Variants in SLC9A3 observed in about 807,000 individuals in gnomAD.
The protein encoded by SLC9A3 is sodium/hydrogen exchanger 3.
Under a neutral mutation model 86.8 loss-of-function variants are expected in SLC9A3, and 37 were observed. That is an observed-to-expected ratio of 0.43 (90% CI 0.33 to 0.56). The LOEUF (loss-of-function observed/expected upper bound fraction) is 0.56. Ranked by LOEUF, SLC9A3 falls within the 20% of genes least tolerant of loss-of-function variation. The pLI, the probability that SLC9A3 is intolerant of heterozygous loss-of-function variation, is 0.06. For missense variants in SLC9A3, 1,011 were observed against 1,171.9 expected, an observed-to-expected ratio of 0.86 and a Z score of 2.00; for synonymous variants, 581 against 528.3, an observed-to-expected ratio of 1.10 and a Z score of -1.37.
Position 485,004 on chromosome 5 carries a change from G to A in SLC9A3, c.754+149C>T, listed in dbSNP as rs568370106. 5.6e-4 allele frequency: 383 copies of A among 686,710 alleles called. 3 individuals carry two copies. The highest frequency in any genetic ancestry group is 5.4e-3 in the African/African-American group (308 of 56,718). 42.5% of individuals were successfully genotyped at this position (686,710 alleles called of 1,614,324 possible). On this transcript the variant is annotated intron_variant, in intron 4 of 16. Coordinates refer to ENST00000264938, the MANE Select transcript of SLC9A3 (RefSeq NM_004174.4). The stretch of plus-strand genomic sequence containing the variant: ...GACCATGTCAAATCGTGTGTGAATC[G>A]CTCTGGACGGGGACGTGACGTGGAC...
chr5:479,851 G>A lies in SLC9A3; in HGVS notation c.1632C>T (p.Ile544=). 2 of 1,613,658 alleles carry A rather than the reference G, an allele frequency of 1.2e-6. No individual in the cohort carries two copies. The highest frequency in any genetic ancestry group is 1.7e-6 in the Non-Finnish European group (2 of 1,179,984). Residue 544 remains isoleucine, a synonymous_variant, in exon 10 of 17, where the codon ATC becomes ATT. Transcript: ENST00000264938. ...GCTCTGCTACCTCAGCCACGTAGCTGATGGCATCCTTCAGGTTCAGCTCGT... is the reference window on the plus strand; with the variant it reads ...GCTCTGCTACCTCAGCCACGTAGCTAATGGCATCCTTCAGGTTCAGCTCGT... The part of the protein sequence containing the change: ...VFHELNLKDA[I]SYVAEGERRG...
At chr5:513,934 CA>C (rs1733649817) in intron 1 of SLC9A3, among the ~76,000 whole-genome samples, 1 of 152,242 alleles carries the variant, frequency 6.6e-6, no homozygotes, top group Non-Finnish European at 1.5e-5. Flanking sequence ...GGGCCACGCA[CA>C]GCCACTGGAG....
At chr5:515,748 CT>C (rs1322423226) in intron 1 of SLC9A3, among the ~76,000 whole-genome samples, 20 of 147,826 alleles carry the variant, frequency 1.4e-4, no homozygotes, top group African/African-American at 5.1e-4. Context: ...CACACTCCCC[CT>C]GCCCCTCACA....
Position 486,167 on chromosome 5 carries a change from G to C in SLC9A3, c.676-936C>G, listed in dbSNP as rs549480720. On this transcript the variant is annotated intron_variant, in intron 3 of 16. Transcript: ENST00000264938. ...TCAAACCACAGGCACTTTCAGAGGG[G>C]AGAGGAAGCTGACCCCACCCTTCCC... is the stretch of plus-strand genomic sequence containing the variant. Among the ~76,000 whole-genome samples, 388 of 134,904 alleles carry C rather than the reference G, an allele frequency of 2.9e-3. 3 individuals carry two copies. The highest frequency in any genetic ancestry group is 9.9e-3 in the African/African-American group (376 of 37,794). 88.5% of individuals were successfully genotyped at this position (134,904 alleles called of 152,430 possible).
chr5:513,488 G>A (rs1022683928), intron 1 of SLC9A3, among the ~76,000 whole-genome samples: 7 of 152,164 alleles, frequency 4.6e-5, no homozygotes, highest in Admixed American at 1.3e-4. Flanking sequence ...AGAGTTGGGC[G>A]GGAGGAGAGC....
At position 470,685 on chromosome 5, in the gene SLC9A3, A is replaced by C. The variant is rs1024099035; in HGVS notation, c.*2694T>G. On this transcript the variant is annotated 3_prime_UTR_variant, in exon 17 of 17. Coordinates refer to ENST00000264938, the MANE Select transcript of SLC9A3 (RefSeq NM_004174.4). The stretch of plus-strand genomic sequence containing the variant: ...TTATAGCTGCAAAATTAACATACAC[A>C]ATTTTCACTCATAATTTAAAATATT... The C allele has an allele frequency of 1.3e-5, 2 of 152,296 alleles. No individual in the cohort carries two copies. Among genetic ancestry groups the C allele is most frequent in the African/African-American group, 4.8e-5 (2 of 41,438 alleles). The allele number at this position is 152,296 out of a possible 1,614,324, so 9.4% of individuals were successfully genotyped here. A position where few individuals can be genotyped will look rare whatever the true frequency, so the allele number is the denominator to read the frequency against.
chr5:508,202 A>C (rs966046944), intron 1 of SLC9A3, among the ~76,000 whole-genome samples: 3 of 123,466 alleles, frequency 2.4e-5, no homozygotes, highest in African/African-American at 9.3e-5. Context: ...AGGCCTCAGG[A>C]TGGAGTAGCC....
At position 491,680 on chromosome 5, in the gene SLC9A3, C is replaced by T. The variant is rs957320514; in HGVS notation, c.514+89G>A. On this transcript the variant is annotated intron_variant, in intron 2 of 16. Transcript: ENST00000264938. The surrounding 1 kb of genome is among the most constrained non-coding windows in gnomAD (Gnocchi z 9.2). ...CACTTACCGCCTGGAGGCCAGGGTGCGGCACCCCGACCTTTCTGAGATGAG... is the reference window on the plus strand; with the variant it reads ...CACTTACCGCCTGGAGGCCAGGGTGTGGCACCCCGACCTTTCTGAGATGAG... The T allele has an allele frequency of 3.2e-5, 40 of 1,234,040 alleles. No individual in the cohort carries two copies. Among genetic ancestry groups the T allele is most frequent in the Middle Eastern group, 2.4e-4 (1 of 4,202 alleles). The allele number at this position is 1,234,040 out of a possible 1,614,324, so 76.4% of individuals were successfully genotyped here.
chr5:492,192 GCAGGGCC>G (rs1739790422), intron 1 of SLC9A3, 121 bp from the exon 2 acceptor site: 1 of 198,046 alleles, frequency 5.0e-6, no homozygotes, highest in African/African-American at 1.2e-4. Context: ...GGATGTCGGG[GCAGGGCC>G]TGTTGGGGAG....
chr5:494,752 C>T (rs1482354386), intron 1 of SLC9A3, among the ~76,000 whole-genome samples: 6 of 152,194 alleles, frequency 3.9e-5, no homozygotes, highest in East Asian at 3.9e-4. Flanking sequence ...TTGGCGACGT[C>T]GTCACCTCTG....
Position 473,332 on chromosome 5 carries a change from C to G in SLC9A3, c.*47G>C. The G allele has an allele frequency of 7.1e-7, 1 of 1,408,026 alleles. No individual in the cohort carries two copies. The highest frequency in any genetic ancestry group is 9.3e-7 in the Non-Finnish European group (1 of 1,075,358). The allele number at this position is 1,408,026 out of a possible 1,614,324, so 87.2% of individuals were successfully genotyped here. A position where few individuals can be genotyped will look rare whatever the true frequency, so the allele number is the denominator to read the frequency against. ...ACAGCGGCGGCGGCGGTGGGCGGAC[C>G]GTGGCGCGGGGACGAGCGGCCGGTT... is the stretch of plus-strand genomic sequence containing the variant. On this transcript the variant is annotated 3_prime_UTR_variant, in exon 17 of 17. Transcript: ENST00000264938.
chr5:520,528 G>A (rs148963503), intron 1 of SLC9A3, among the ~76,000 whole-genome samples: 3,351 of 152,200 alleles, frequency 0.022, 59 homozygotes, highest in Non-Finnish European at 0.033. Flanking sequence ...ATGCCCAAGG[G>A]AAGCTCCCCA....
At chr5:500,128 C>G (rs955668702) in intron 1 of SLC9A3, among the ~76,000 whole-genome samples, 1 of 152,276 alleles carries the variant, frequency 6.6e-6, no homozygotes, top group South Asian at 2.1e-4. Flanking sequence ...GTTGAAAGGG[C>G]AGAGGGTGTC....
Position 482,103 on chromosome 5 carries a change from G to A in SLC9A3, c.1411C>T (p.Arg471Trp), listed in dbSNP as rs368029489. 8.1e-6 allele frequency: 13 copies of A among 1,606,862 alleles called. No individual in the cohort carries two copies. Among genetic ancestry groups the A allele is most frequent in the Non-Finnish European group, 1.0e-5 (12 of 1,178,218 alleles). ...AGCTTCTCGTTGAGCCGAGGTTCCC[G>A]GTGCTCGCTCCTCTTCACCTTCAGC... Reference protein sequence around the residue: ...QWLKVKRSEHREPRLNEKLHG... With the variant: ...QWLKVKRSEHWEPRLNEKLHG... The change falls in exon 8 of 17, where the codon CGG (arginine) becomes TGG (tryptophan). Residue 471 changes from arginine (R) to tryptophan (W), a missense_variant. By Grantham distance (101) the Arg-to-Trp change is moderately radical. Transcript: ENST00000264938.
intron 1 of SLC9A3, among the ~76,000 whole-genome samples, chr5:511,611 G>A (rs926966066): frequency 2.8e-4 from 43 of 152,366 alleles, no homozygotes; most frequent in African/African-American, 8.7e-4. Context: ...ACCCGTCAGC[G>A]TGGCCGAAAC....
At chr5:514,484 G>A (rs761537260) in intron 1 of SLC9A3, among the ~76,000 whole-genome samples, 1 of 152,220 alleles carries the variant, frequency 6.6e-6, no homozygotes, top group African/African-American at 2.4e-5. Context: ...CTTGCCTGTC[G>A]GGGGCTTTGC....
chr5:495,449 T>C (rs1579800165), intron 1 of SLC9A3, among the ~76,000 whole-genome samples: 1 of 46,162 alleles, frequency 2.2e-5, no homozygotes, highest in Admixed American at 2.0e-4. Flanking sequence ...CACGCTCCAC[T>C]CCCCGCGCCA....
Position 496,823 on chromosome 5 carries a change from G to A in SLC9A3, c.212-4752C>T, listed in dbSNP as rs557317143. On this transcript the variant is annotated intron_variant, in intron 1 of 16. Transcript: ENST00000264938. The surrounding 1 kb of genome is among the most constrained non-coding windows in gnomAD (Gnocchi z 4.7). ...TACAACAGTTTGGGAGGCCAAGGCA[G>A]GTGGATCCCTTGAGCCCAGGAGTTC... Among the ~76,000 whole-genome samples the A allele has an allele frequency of 2.6e-5, 4 of 152,244 alleles. No individual in the cohort carries two copies. In the East Asian group the frequency reaches 7.7e-4, roughly 29 times the overall value.
intron 1 of SLC9A3, among the ~76,000 whole-genome samples, chr5:498,147 C>G (rs549234672): frequency 7.2e-5 from 11 of 152,336 alleles, no homozygotes; most frequent in African/African-American, 2.6e-4. Context: ...CCGCCACTTC[C>G]GCCCCTGCTA....
Sources: gnomAD v4.1 joint callset for allele counts (sites outside exome capture counted in the v4.1 genomes callset) on GRCh38, gnomAD v4.1.1 for gene constraint, Gnocchi (gnomAD v3.1) non-coding constraint, MANE v1.5 for transcripts, NCBI Gene and HGNC (gene_info 2026-07-23, HGNC 2026-07-21) for gene names.